SHROOM3: variants seen among roughly 807,000 people sequenced by gnomAD.
SHROOM3 encodes protein Shroom3.
SHROOM3 carries 47 observed loss-of-function variants against 138.6 expected under a neutral mutation model. That is an observed-to-expected ratio of 0.34 (90% CI 0.27 to 0.43). The LOEUF is 0.43. SHROOM3 is among the 20% of genes least tolerant of loss of function. The probability of loss-of-function intolerance (pLI) is 1.00; values close to 1 mark genes in which losing one functional copy is unlikely to be tolerated. For missense variants in SHROOM3, 2,491 were observed against 2,596.5 expected, an observed-to-expected ratio of 0.96 and a Z score of 0.88; for synonymous variants, 1,062 against 1,063.3, an observed-to-expected ratio of 1.00 and a Z score of 0.02.
At chr4:76,655,944 G>A (rs1446274907) in intron 2 of SHROOM3, among the ~76,000 whole-genome samples, 2 of 152,150 alleles carry the variant, frequency 1.3e-5, no homozygotes, top group East Asian at 1.9e-4. Context: ...TGCATGTGAG[G>A]TTTTATACTA....
chr4:76,685,090 C>G (rs1322303313), intron 2 of SHROOM3, among the ~76,000 whole-genome samples: 1 of 152,200 alleles, frequency 6.6e-6, no homozygotes, highest in Non-Finnish European at 1.5e-5. Flanking sequence ...GAAAGCAGCA[C>G]ATCATTCGTT....
At chr4:76,602,458 G>A (rs1734525887) in intron 2 of SHROOM3, among the ~76,000 whole-genome samples, 1 of 151,640 alleles carries the variant, frequency 6.6e-6, no homozygotes. Context: ...AAATGATACA[G>A]CCATATGTTA....
intron 8 of SHROOM3, among the ~76,000 whole-genome samples, chr4:76,758,771 T>G (rs1339366883): frequency 6.6e-6 from 1 of 152,172 alleles, no homozygotes; most frequent in Non-Finnish European, 1.5e-5. Context: ...AGATGTTAAA[T>G]AATATCACAA....
At chr4:76,519,615 A>G (rs1732521508) in intron 1 of SHROOM3, among the ~76,000 whole-genome samples, 1 of 152,100 alleles carries the variant, frequency 6.6e-6, no homozygotes, top group African/African-American at 2.4e-5. Flanking sequence ...CCAGTGCTGG[A>G]GGGAAACTGT....
chr4:76,660,487 T>G (rs1438246000), intron 2 of SHROOM3, among the ~76,000 whole-genome samples: 1 of 152,118 alleles, frequency 6.6e-6, no homozygotes, highest in African/African-American at 2.4e-5. Context: ...TTTAATTAAT[T>G]TTTTTTAAGA....
In SHROOM3 at chr4:76,741,065, C is replaced by A; in HGVS notation, c.2892C>A (p.Ala964=). ...CCTGGCGGCCACGGCCTTCCTCGGC[C>A]CACGTGGGGCTGCGGAGCCCCGAGG... is the stretch of plus-strand genomic sequence containing the variant. ...SRSWRPRPSS[A]HVGLRSPEAS... Residue 964 remains alanine (A), a synonymous_variant, in exon 5 of 11, where the codon GCC becomes GCA. Coordinates refer to ENST00000296043, the MANE Select transcript of SHROOM3 (RefSeq NM_020859.4). This position sits in a 1 kb window ranked among gnomAD's most constrained non-coding sequence, Gnocchi z 6.2. The A allele has an allele frequency of 6.6e-7, 1 of 1,517,226 alleles. No homozygotes were observed. The highest frequency in any genetic ancestry group is 1.3e-5 in the South Asian group (1 of 76,972). The allele number at this position is 1,517,226 out of a possible 1,614,324, so 94.0% of individuals were successfully genotyped here.
Position 76,646,225 on chromosome 4 carries a change from A to AATAAATAAATATATAT in SHROOM3, c.324-63928_324-63927insAATAAATATATATATA, listed in dbSNP as rs61374645. On this transcript the variant is annotated intron_variant, in intron 2 of 10. Coordinates refer to ENST00000296043, the MANE Select transcript of SHROOM3 (RefSeq NM_020859.4). ...CCTAGAACTTAAAGTATAATAAATA[A>AATAAATAAATATATAT]ATATATATATATATATATATATAAA... 5.9e-3 allele frequency among the ~76,000 whole-genome samples: 572 copies of AATAAATAAATATATAT among 96,202 alleles called. 12 individuals are homozygous for AATAAATAAATATATAT. Among genetic ancestry groups the AATAAATAAATATATAT allele is most frequent in the Non-Finnish European group, 8.8e-3 (441 of 49,860 alleles). 63.1% of individuals were successfully genotyped at this position (96,202 alleles called of 152,430 possible).
At chr4:76,659,726 T>A (rs973276414) in intron 2 of SHROOM3, among the ~76,000 whole-genome samples, 3 of 152,038 alleles carry the variant, frequency 2.0e-5, no homozygotes, top group Non-Finnish European at 2.9e-5. Context: ...GGACTACAGG[T>A]GTGCGCCACC....
At chr4:76,576,653 G>A (rs1180778320) in intron 2 of SHROOM3, among the ~76,000 whole-genome samples, 1 of 152,078 alleles carries the variant, frequency 6.6e-6, no homozygotes, top group Non-Finnish European at 1.5e-5. Flanking sequence ...TCGTGTAGTT[G>A]GGTAGTTTGT....
chr4:76,578,443 A>T (rs1169215185), intron 2 of SHROOM3, among the ~76,000 whole-genome samples: 1 of 152,214 alleles, frequency 6.6e-6, no homozygotes, highest in African/African-American at 2.4e-5. Flanking sequence ...TGAAAGCAGT[A>T]ATCACCAGAG....
intron 1 of SHROOM3, among the ~76,000 whole-genome samples, chr4:76,456,339 A>G (rs1048756244): frequency 2.0e-5 from 3 of 152,196 alleles, no homozygotes; most frequent in African/African-American, 7.2e-5. Context: ...TAGATTACTC[A>G]TGATACTAAT....
chr4:76,488,187 T>A (rs1452762188), intron 1 of SHROOM3, among the ~76,000 whole-genome samples: 2 of 152,138 alleles, frequency 1.3e-5, no homozygotes, highest in African/African-American at 2.4e-5. Flanking sequence ...TTGTTTTTTT[T>A]AAAGGGGGTT....
rs967039774 is a variant in SHROOM3, at chr4:76,740,936, C to T, written c.2763C>T (p.Ser921=). 32 of 1,495,898 alleles carry T rather than the reference C, an allele frequency of 2.1e-5. No individual in the cohort carries two copies. The highest frequency in any genetic ancestry group is 2.8e-5 in the Non-Finnish European group (32 of 1,125,704). The allele number at this position is 1,495,898 out of a possible 1,614,324, so 92.7% of individuals were successfully genotyped here. A position where few individuals can be genotyped will look rare whatever the true frequency, so the allele number is the denominator to read the frequency against. ...PESPLLDAPF[S]RAYRNSIKDA... is the part of the protein sequence containing the mutation. ...CGCCCCTGCTGGATGCCCCCTTCAG[C>T]CGCGCCTACCGGAACAGCATCAAGG... Residue 921 remains serine (S), a synonymous_variant, in exon 5 of 11, where the codon AGC becomes AGT. Coordinates refer to ENST00000296043, the MANE Select transcript of SHROOM3 (RefSeq NM_020859.4). The surrounding 1 kb of genome is among the most constrained non-coding windows in gnomAD (Gnocchi z 4.0).
At chr4:76,719,536 A>G (rs201949620) in intron 3 of SHROOM3, among the ~76,000 whole-genome samples, 1 of 152,242 alleles carries the variant, frequency 6.6e-6, no homozygotes, top group East Asian at 1.9e-4. Flanking sequence ...AGATATTACA[A>G]TGTTTGCATC....
intron 7 of SHROOM3, among the ~76,000 whole-genome samples, chr4:76,756,021 A>C (rs1003223814): frequency 6.6e-6 from 1 of 152,222 alleles, no homozygotes; most frequent in African/African-American, 2.4e-5. Context: ...ATCTAACAGC[A>C]ACATTCACCA....
At chr4:76,556,042 C>T (rs968008373) in intron 2 of SHROOM3, among the ~76,000 whole-genome samples, 1 of 152,144 alleles carries the variant, frequency 6.6e-6, no homozygotes, top group African/African-American at 2.4e-5. Flanking sequence ...AATTTTGGGA[C>T]CTGATGAAAA....
chr4:76,528,409 T>G (rs1355380855), intron 1 of SHROOM3, among the ~76,000 whole-genome samples: 3 of 150,518 alleles, frequency 2.0e-5, no homozygotes, highest in Non-Finnish European at 4.4e-5. Flanking sequence ...ACTTGAACTC[T>G]TGGGCTCAAG....
intron 1 of SHROOM3, among the ~76,000 whole-genome samples, chr4:76,472,599 A>G (rs556869246): frequency 1.3e-5 from 2 of 152,312 alleles, no homozygotes; most frequent in South Asian, 4.1e-4. Flanking sequence ...TAGTCACAGT[A>G]AAAATGTCTT....
intron 2 of SHROOM3, among the ~76,000 whole-genome samples, chr4:76,660,333 C>T (rs1170707827): frequency 6.6e-6 from 1 of 152,118 alleles, no homozygotes; most frequent in Admixed American, 6.6e-5. Context: ...TGCTTAGGGT[C>T]CCATATCCCT....
Sources: gnomAD v4.1 joint callset for allele counts (sites outside exome capture counted in the v4.1 genomes callset) on GRCh38, gnomAD v4.1.1 for gene constraint, Gnocchi (gnomAD v3.1) non-coding constraint, MANE v1.5 for transcripts, NCBI Gene and HGNC (gene_info 2026-07-23, HGNC 2026-07-21) for gene names.